Variants in PRR16 observed in about 807,000 individuals in gnomAD.
PRR16 encodes proline rich 16.
A neutral mutation model predicts 18.2 loss-of-function variants in PRR16; 6 were observed. The observed-to-expected ratio is 0.33, with a 90% CI of 0.18 to 0.65. The LOEUF (loss-of-function observed/expected upper bound fraction) is 0.65. PRR16 is among the 30% of genes least tolerant of loss of function. The pLI is 0.74. For missense variants in PRR16, 412 were observed against 376.6 expected, an observed-to-expected ratio of 1.09 and a Z score of -0.78; for synonymous variants, 151 against 147.8, an observed-to-expected ratio of 1.02 and a Z score of -0.16.
chr5:120,768,225 C>T, the PRR16 span, among the ~76,000 whole-genome samples: 1 of 151,712 alleles, frequency 6.6e-6, no homozygotes, highest in Non-Finnish European at 1.5e-5. Context: ...TTCCCTTATT[C>T]TTGTTTTCAG....
chr5:120,537,107 G>C (rs1308976057), intron 1 of PRR16, among the ~76,000 whole-genome samples: 6 of 152,068 alleles, frequency 3.9e-5, no homozygotes, highest in African/African-American at 1.5e-4. Flanking sequence ...CTTAATACCT[G>C]GGTCATGGAA....
intron 1 of PRR16, among the ~76,000 whole-genome samples, chr5:120,514,939 C>T (rs1750940260): frequency 6.6e-6 from 1 of 152,208 alleles, no homozygotes; most frequent in African/African-American, 2.4e-5. Flanking sequence ...TCTGCTTCCA[C>T]ACTTTCAGAT....
intron 1 of PRR16, among the ~76,000 whole-genome samples, chr5:120,467,989 GGTTA>G (rs1389492553): frequency 6.6e-6 from 1 of 152,120 alleles, no homozygotes; most frequent in Non-Finnish European, 1.5e-5. Context: ...GAGCTCCAAA[GGTTA>G]GTTAGGGATA....
At chr5:120,520,836 C>G (rs1445345103) in intron 1 of PRR16, among the ~76,000 whole-genome samples, 1 of 151,754 alleles carries the variant, frequency 6.6e-6, no homozygotes, top group African/African-American at 2.4e-5. Flanking sequence ...CAAAAAAACT[C>G]TTAAATATTG....
the PRR16 span, among the ~76,000 whole-genome samples, chr5:120,782,414 T>C: frequency 6.6e-6 from 1 of 152,176 alleles, no homozygotes; most frequent in Non-Finnish European, 1.5e-5. Context: ...AATTGTTTTA[T>C]CTTTCAAATT....
chr5:120,716,613 C>T, the PRR16 span, among the ~76,000 whole-genome samples: 21 of 152,182 alleles, frequency 1.4e-4, no homozygotes, highest in South Asian at 1.0e-3. Context: ...TGGTGGCTCA[C>T]GCCTGTATTC....
At chr5:120,627,582 C>G (rs1330182235) in intron 1 of PRR16, among the ~76,000 whole-genome samples, 1 of 151,962 alleles carries the variant, frequency 6.6e-6, no homozygotes, top group African/African-American at 2.4e-5. Context: ...AAATAATGTT[C>G]CTGAATGCAT....
chr5:120,654,550 T>TA (rs1330069037), intron 1 of PRR16, among the ~76,000 whole-genome samples: 16 of 151,408 alleles, frequency 1.1e-4, no homozygotes, highest in Middle Eastern at 6.8e-3. Context: ...ATTGAAAAGC[T>TA]AAAAAAAATC....
At chr5:120,601,032 A>G (rs187588732) in intron 1 of PRR16, among the ~76,000 whole-genome samples, 17 of 152,026 alleles carry the variant, frequency 1.1e-4, no homozygotes, top group African/African-American at 4.1e-4. Flanking sequence ...TGCAATGAAT[A>G]TACAACTGCA....
At chr5:120,539,182 T>C (rs1226220673) in intron 1 of PRR16, among the ~76,000 whole-genome samples, 1 of 151,958 alleles carries the variant, frequency 6.6e-6, no homozygotes, top group Non-Finnish European at 1.5e-5. Flanking sequence ...TTTTGAAGAA[T>C]GCTAGGTTTT....
the PRR16 span, chr5:120,781,584 G>A: frequency 6.6e-6 from 1 of 152,138 alleles, no homozygotes; most frequent in Non-Finnish European, 1.5e-5. Flanking sequence ...GAGATCAGGA[G>A]AAGGTCAGGG....
intron 1 of PRR16, among the ~76,000 whole-genome samples, chr5:120,493,675 C>A (rs1244545501): frequency 1.3e-5 from 2 of 152,112 alleles, no homozygotes; most frequent in Non-Finnish European, 2.9e-5. Context: ...TACAGCTATA[C>A]CCACTTCTCT....
Position 120,464,334 on chromosome 5 carries a change from C to G in PRR16, c.-153C>G, listed in dbSNP as rs1749004848. The G allele has an allele frequency of 2.5e-6, 2 of 796,730 alleles. No homozygotes were observed. Among genetic ancestry groups the G allele is most frequent in the Non-Finnish European group, 3.6e-6 (2 of 563,256 alleles). 49.4% of individuals were successfully genotyped at this position (796,730 alleles called of 1,614,324 possible). A position where few individuals can be genotyped will look rare whatever the true frequency, so the allele number is the denominator to read the frequency against. ...CAGCACCACTGTGCGGCCGCCCGGC[C>G]GAGCGCGGAGCGCAGCCACTCGCCG... On this transcript the variant is annotated 5_prime_UTR_variant, in exon 1 of 2. Coordinates refer to ENST00000407149, the MANE Select transcript of PRR16 (RefSeq NM_001300783.2).
At chr5:120,783,159 T>TTAAC in the PRR16 span, among the ~76,000 whole-genome samples, 1 of 152,184 alleles carries the variant, frequency 6.6e-6, no homozygotes, top group Admixed American at 6.5e-5. Context: ...ATTATTTGTG[T>TTAAC]TAACTTAGAA....
the PRR16 span, among the ~76,000 whole-genome samples, chr5:120,727,378 G>A: frequency 6.6e-5 from 10 of 152,126 alleles, no homozygotes; most frequent in African/African-American, 2.4e-4. Context: ...AATCTGTATG[G>A]TCACCTGCCT....
the PRR16 span, among the ~76,000 whole-genome samples, chr5:120,735,593 C>T: frequency 6.6e-6 from 1 of 152,090 alleles, no homozygotes; most frequent in Admixed American, 6.5e-5. Flanking sequence ...TTTTCACATG[C>T]TTGTTGGCCA....
intron 1 of PRR16, among the ~76,000 whole-genome samples, chr5:120,664,834 AT>A (rs1217769821): frequency 6.8e-6 from 1 of 146,134 alleles, no homozygotes; most frequent in Non-Finnish European, 1.5e-5. Context: ...TATGTGCCAC[AT>A]TTTCTTAATC....
chr5:120,533,814 T>C (rs1316697466), intron 1 of PRR16, among the ~76,000 whole-genome samples: 3 of 152,182 alleles, frequency 2.0e-5, no homozygotes, highest in Non-Finnish European at 4.4e-5. Flanking sequence ...CTTCAGACTG[T>C]TAGGTAGAAC....
At chr5:120,704,749 T>C in the PRR16 span, among the ~76,000 whole-genome samples, 30 of 152,114 alleles carry the variant, frequency 2.0e-4, no homozygotes, top group Admixed American at 4.6e-4. Flanking sequence ...AGTATATCAG[T>C]AGAATTAACA....
Sources: gnomAD v4.1 joint callset for allele counts (sites outside exome capture counted in the v4.1 genomes callset) on GRCh38, gnomAD v4.1.1 for gene constraint, MANE v1.5 for transcripts, NCBI Gene and HGNC (gene_info 2026-07-23, HGNC 2026-07-21) for gene names.